Variants in DGLUCY observed in about 807,000 individuals in gnomAD.
DGLUCY encodes the protein D-glutamate cyclase.
A neutral mutation model predicts 58.5 loss-of-function variants in DGLUCY; 58 were observed. The observed-to-expected ratio is 0.99, with a 90% CI of 0.80 to 1.23. The LOEUF is 1.23. Ranked by LOEUF, DGLUCY falls within the 50% of genes most tolerant of loss-of-function variation. The pLI is 0.00. For synonymous variants in DGLUCY, 325 were observed against 314.1 expected, an observed-to-expected ratio of 1.03 and a Z score of -0.37; for missense variants, 779 against 784.7, an observed-to-expected ratio of 0.99 and a Z score of 0.09.
chr14:91,063,237 A>G (rs1313585728), intron 1 of DGLUCY, among the ~76,000 whole-genome samples: 1 of 151,904 alleles, frequency 6.6e-6, no homozygotes, highest in Non-Finnish European at 1.5e-5. Flanking sequence ...CTCTTCCTAG[A>G]CACACAGGAA....
chr14:91,167,163 T>G, intron 3 of DGLUCY, 62 bp from the exon 4 acceptor site: 1 of 1,430,726 alleles, frequency 7.0e-7, no homozygotes, highest in South Asian at 1.4e-5. Context: ...AGAAAGAAAA[T>G]CAGTAAGTGT....
chr14:91,200,156 T>C (rs1228569663), intron 11 of DGLUCY, among the ~76,000 whole-genome samples: 2 of 152,188 alleles, frequency 1.3e-5, no homozygotes, highest in Non-Finnish European at 2.9e-5. Context: ...GGTTTCACCA[T>C]GTTGGCCAGG....
chr14:91,143,319 T>A (rs547743774), intron 1 of DGLUCY, among the ~76,000 whole-genome samples: 2 of 152,152 alleles, frequency 1.3e-5, no homozygotes, highest in Non-Finnish European at 2.9e-5. Context: ...ATGGTCTTCA[T>A]CTCCTGACCT....
In DGLUCY at chr14:91,114,127, T is replaced by C. The variant is rs539370090; in HGVS notation, c.-238T>C. ...GTCAGCGCTTGGGGCTGGCCTCAGC[T>C]TGTAGACCCGAGCCCTGCAGAACAA... On this transcript the variant is annotated 5_prime_UTR_variant, in exon 1 of 14. Transcript: ENST00000256324. 2 of 152,334 alleles carry C rather than the reference T, an allele frequency of 1.3e-5. No individual in the cohort carries two copies. The highest frequency in any genetic ancestry group is 4.8e-5 in the African/African-American group (2 of 41,460). 9.4% of individuals were successfully genotyped at this position (152,334 alleles called of 1,614,324 possible).
At chr14:91,141,061 G>A (rs926458687) in intron 1 of DGLUCY, among the ~76,000 whole-genome samples, 3 of 152,048 alleles carry the variant, frequency 2.0e-5, no homozygotes, top group Non-Finnish European at 2.9e-5. Flanking sequence ...AGGGTGCTCC[G>A]ACTTTCTTGA....
Position 91,181,341 on chromosome 14 carries a change from G to A in DGLUCY, c.886G>A (p.Ala296Thr). 6.2e-7 allele frequency: 1 copy of A among 1,614,116 alleles called. No homozygotes were observed. Among genetic ancestry groups the A allele is most frequent in the Non-Finnish European group, 8.5e-7 (1 of 1,180,042 alleles). ...PLHYSIASVS[A>T]SQKIRELESM... ...GCACTACAGCATCGCGTCAGTCTCT[G>A]CTTCTCAGAAGATCAGAGAACTAGA... The change falls in exon 8 of 14, where the codon GCT (alanine) becomes ACT (threonine). Residue 296 changes from alanine to threonine, a missense_variant. Ala to Thr is a moderately conservative substitution (Grantham distance 58, BLOSUM62 0). Transcript: ENST00000256324.
At chr14:91,151,124 T>G (rs915523340) in intron 1 of DGLUCY, among the ~76,000 whole-genome samples, 5 of 152,218 alleles carry the variant, frequency 3.3e-5, no homozygotes, top group African/African-American at 1.2e-4. Flanking sequence ...GGTTCACCCA[T>G]GTTGTAGCAT....
chr14:91,156,248 G>A (rs1267138922), intron 1 of DGLUCY, among the ~76,000 whole-genome samples: 1 of 151,906 alleles, frequency 6.6e-6, no homozygotes, highest in African/African-American at 2.4e-5. Context: ...CGGGTAGCTG[G>A]GATTACAGGC....
upstream of DGLUCY, among the ~76,000 whole-genome samples, chr14:91,105,205 C>T (rs988851905): frequency 6.6e-6 from 1 of 152,006 alleles, no homozygotes; most frequent in Non-Finnish European, 1.5e-5. Context: ...ATCCCCACTA[C>T]TTAGGAGGCT....
At chr14:91,176,900 C>G (rs915548689) in intron 7 of DGLUCY, among the ~76,000 whole-genome samples, 2 of 152,198 alleles carry the variant, frequency 1.3e-5, no homozygotes, top group African/African-American at 4.8e-5. Flanking sequence ...CCGTGTCCAG[C>G]CTCAAATATG....
chr14:91,140,835 G>T (rs185694140), intron 1 of DGLUCY, among the ~76,000 whole-genome samples: 1 of 152,282 alleles, frequency 6.6e-6, no homozygotes, highest in African/African-American at 2.4e-5. Context: ...ACACCTAGGG[G>T]TTGTGATTCA....
chr14:91,173,471 C>G, intron 6 of DGLUCY, 32 bp downstream of exon 6: 1 of 1,561,090 alleles, frequency 6.4e-7, no homozygotes, highest in Non-Finnish European at 8.6e-7. Flanking sequence ...CCATGATCTT[C>G]CTGTTCACAT....
chr14:91,182,975 G>T (rs772961234), intron 8 of DGLUCY, among the ~76,000 whole-genome samples: 12 of 143,330 alleles, frequency 8.4e-5, no homozygotes, highest in Admixed American at 5.5e-4. Flanking sequence ...TTTTATTTTA[G>T]TTTAGTTTAT....
intron 7 of DGLUCY, among the ~76,000 whole-genome samples, chr14:91,177,976 C>T (rs747847179): frequency 2.0e-5 from 3 of 152,100 alleles, no homozygotes; most frequent in Admixed American, 1.3e-4. Context: ...GTGCAGTAAA[C>T]GTCCCCCAGC....
intron 7 of DGLUCY, 128 bp from the exon 8 acceptor site, chr14:91,181,058 G>A (rs2049140511): frequency 1.4e-6 from 1 of 736,634 alleles, no homozygotes; most frequent in Non-Finnish European, 2.2e-6. Flanking sequence ...GTGCCAGCAG[G>A]TGGTATAGGG....
At chr14:91,166,143 A>G (rs745631790) in intron 3 of DGLUCY, among the ~76,000 whole-genome samples, 6 of 152,260 alleles carry the variant, frequency 3.9e-5, no homozygotes, top group Non-Finnish European at 7.3e-5. Context: ...ATGTGGTGCT[A>G]GAAGTCAGGA....
In DGLUCY at chr14:91,224,788, C is replaced by G. The variant is rs373378972; in HGVS notation, c.1821C>G (p.Ala607=). The G allele has an allele frequency of 5.0e-6, 8 of 1,613,380 alleles. No homozygotes were observed. In the South Asian group the frequency reaches 5.5e-5, roughly 11 times the overall value. ...GGCTGCCCTTCCACAACACCCACGC[C>G]GAGATGATCCAGAAGCTGGTGGACG... ...VDGLPFHNTH[A]EMIQKLVDVT... Residue 607 remains alanine, a synonymous_variant, in exon 14 of 14, where the codon GCC becomes GCG. Transcript: ENST00000256324.
At chr14:91,073,694 C>G (rs575065891) in intron 1 of DGLUCY, among the ~76,000 whole-genome samples, 2 of 152,182 alleles carry the variant, frequency 1.3e-5, no homozygotes, top group East Asian at 3.9e-4. Flanking sequence ...TGGAAAGGCC[C>G]TGAGGAGCAG....
chr14:91,163,798 C>T (rs1169272187), intron 3 of DGLUCY, among the ~76,000 whole-genome samples: 1 of 152,102 alleles, frequency 6.6e-6, no homozygotes, highest in Non-Finnish European at 1.5e-5. Flanking sequence ...AATATAATTA[C>T]TTGTGCAAAT....
Sources: allele counts gnomAD v4.1 joint callset (sites outside exome capture counted in the v4.1 genomes callset), GRCh38; gene constraint gnomAD v4.1.1; transcripts MANE v1.5; gene names NCBI Gene and HGNC (gene_info 2026-07-23, HGNC 2026-07-21).